The following TXNDC9 variants were observed in gnomAD, a reference collection of about 807,000 sequenced individuals.
The protein encoded by TXNDC9 is thioredoxin domain containing 9.
TXNDC9 carries 7 observed loss-of-function variants against 23.0 expected under a neutral mutation model. The observed-to-expected ratio is 0.30, with a 90% CI of 0.17 to 0.57. The LOEUF (loss-of-function observed/expected upper bound fraction) is 0.57, where lower values mean the gene tolerates loss of function less well. Ranked by LOEUF, TXNDC9 falls within the 20% of genes least tolerant of loss-of-function variation. The probability of loss-of-function intolerance (pLI) is 0.90; values close to 1 mark genes in which losing one functional copy is unlikely to be tolerated. For missense variants in TXNDC9, 198 were observed against 252.6 expected, an observed-to-expected ratio of 0.78 and a Z score of 1.47; for synonymous variants, 72 against 90.6, an observed-to-expected ratio of 0.79 and a Z score of 1.17.
intron 2 of TXNDC9, among the ~76,000 whole-genome samples, chr2:99,329,018 A>C (rs1255555211): frequency 6.6e-6 from 1 of 152,068 alleles, no homozygotes; most frequent in African/African-American, 2.4e-5. Context: ...TTATGAGATA[A>C]ACCCAATTCG....
the TXNDC9 span, among the ~76,000 whole-genome samples, chr2:99,312,279 T>G: frequency 3.0e-3 from 450 of 152,262 alleles, 4 homozygotes; most frequent in African/African-American, 0.01. Flanking sequence ...GTGAGTTACT[T>G]GAGGTCAGGA....
At chr2:99,311,601 C>G in the TXNDC9 span, among the ~76,000 whole-genome samples, 1 of 151,876 alleles carries the variant, frequency 6.6e-6, no homozygotes, top group African/African-American at 2.4e-5. Flanking sequence ...AGCCCTCAGG[C>G]TGGTCTTGAA....
At chr2:99,323,596 C>T (rs1018026862) in intron 3 of TXNDC9, among the ~76,000 whole-genome samples, 2 of 149,992 alleles carry the variant, frequency 1.3e-5, no homozygotes, top group Non-Finnish European at 3.0e-5. Flanking sequence ...ATTAGCTGGG[C>T]GTCATGATGG....
At chr2:99,326,218 G>A (rs1025945826) in intron 3 of TXNDC9, among the ~76,000 whole-genome samples, 1 of 152,056 alleles carries the variant, frequency 6.6e-6, no homozygotes, top group Non-Finnish European at 1.5e-5. Flanking sequence ...TCCTCACAAG[G>A]GATTTCACCA....
At chr2:99,307,017 T>TCCCCC in the TXNDC9 span, among the ~76,000 whole-genome samples, 3 of 116,544 alleles carry the variant, frequency 2.6e-5, no homozygotes, top group Admixed American at 9.0e-5. Context: ...CTCCCTCCCT[T>TCCCCC]CCTTCCTTCC....
rs1480312508 is a variant in TXNDC9, at chr2:99,322,717, G to C, written c.309-508C>G. 18 of 1,434,306 alleles carry C rather than the reference G, an allele frequency of 1.3e-5. No homozygotes were observed. In the South Asian group the frequency reaches 2.6e-4, roughly 21 times the overall value. The allele number at this position is 1,434,306 out of a possible 1,614,324, so 88.8% of individuals were successfully genotyped here. On this transcript the variant is annotated intron_variant, in intron 3 of 4. Coordinates refer to ENST00000264255, the MANE Select transcript of TXNDC9 (RefSeq NM_005783.4). Reference sequence around the variant, plus strand: ...TACTAATAATATTTAAATAAATGTGGCCATTATGCTTCTAGGAAATTAAAA... The same window carrying C: ...TACTAATAATATTTAAATAAATGTGCCCATTATGCTTCTAGGAAATTAAAA...
At chr2:99,315,062 ATTT>A (rs748634802), downstream of TXNDC9, among the ~76,000 whole-genome samples, 5 of 107,958 alleles carry the variant, frequency 4.6e-5, no homozygotes, top group Non-Finnish European at 6.0e-5. Context: ...CGCCTGGTTA[ATTT>A]TTTTTTTTTT....
At chr2:99,330,686 T>C (rs375893318) in intron 2 of TXNDC9, among the ~76,000 whole-genome samples, 1 of 152,194 alleles carries the variant, frequency 6.6e-6, no homozygotes, top group Admixed American at 6.5e-5. Context: ...AGGAGGGTGC[T>C]TGGCTGACAG....
the TXNDC9 span, among the ~76,000 whole-genome samples, chr2:99,311,165 A>C: frequency 6.6e-6 from 1 of 152,126 alleles, no homozygotes; most frequent in Non-Finnish European, 1.5e-5. Flanking sequence ...AGCTGGGACT[A>C]CAGGTGTGTG....
the TXNDC9 span, among the ~76,000 whole-genome samples, chr2:99,308,948 C>T: frequency 4.6e-4 from 70 of 152,102 alleles, 1 homozygote; most frequent in South Asian, 0.014. Context: ...GTGATCCGCC[C>T]GCCTCGGCCT....
At chr2:99,306,687 G>C in the TXNDC9 span, 2 of 401,460 alleles carry the variant, frequency 5.0e-6, no homozygotes, top group Non-Finnish European at 1.0e-5. Flanking sequence ...TCATCCAGCC[G>C]ATCATCTCTC....
chr2:99,316,540 CTA>C, downstream of TXNDC9, among the ~76,000 whole-genome samples: 1 of 151,988 alleles, frequency 6.6e-6, no homozygotes, highest in Non-Finnish European at 1.5e-5. Flanking sequence ...ATTGTTTTCA[CTA>C]TAGTTTTGGT....
chr2:99,316,704 A>G (rs1280029563), downstream of TXNDC9, among the ~76,000 whole-genome samples: 1 of 151,832 alleles, frequency 6.6e-6, no homozygotes, highest in African/African-American at 2.4e-5. Flanking sequence ...ATTTTTCATT[A>G]CAGTTACTTT....
At chr2:99,314,528 C>CTTTTTTTT (rs1559230942), downstream of TXNDC9, among the ~76,000 whole-genome samples, 10 of 51,120 alleles carry the variant, frequency 2.0e-4, no homozygotes, top group African/African-American at 5.6e-4. Flanking sequence ...AAATACTACA[C>CTTTTTTTT]CTTTTTTTTT....
At chr2:99,311,011 G>C in the TXNDC9 span, among the ~76,000 whole-genome samples, 2 of 151,894 alleles carry the variant, frequency 1.3e-5, no homozygotes. Context: ...GATTCACCCT[G>C]CTTTAGTTGT....
At chr2:99,311,622 C>G in the TXNDC9 span, among the ~76,000 whole-genome samples, 1 of 151,842 alleles carries the variant, frequency 6.6e-6, no homozygotes, top group Non-Finnish European at 1.5e-5. Context: ...CTCCTGGCCT[C>G]AAGCCGTCCT....
At chr2:99,310,232 CATGTGTAGAAATAGAATATATGATCTCT>C in the TXNDC9 span, among the ~76,000 whole-genome samples, 1 of 152,192 alleles carries the variant, frequency 6.6e-6, no homozygotes, top group Non-Finnish European at 1.5e-5. Flanking sequence ...GTGCCAGGTA[CATGTGTAGAAATAGAATATATGATCTCT>C]TTGGAGCAGA....
chr2:99,335,367 C>A (rs941395292), intron 1 of TXNDC9, among the ~76,000 whole-genome samples: 1 of 152,178 alleles, frequency 6.6e-6, no homozygotes, highest in African/African-American at 2.4e-5. Flanking sequence ...TACTTGATTT[C>A]ATCTTTGTAT....
downstream of TXNDC9, among the ~76,000 whole-genome samples, chr2:99,316,542 A>G (rs2105316068): frequency 6.6e-6 from 1 of 151,786 alleles, no homozygotes; most frequent in South Asian, 2.1e-4. Flanking sequence ...TGTTTTCACT[A>G]TAGTTTTGGT....
Sources: allele counts gnomAD v4.1 joint callset (sites outside exome capture counted in the v4.1 genomes callset), GRCh38; gene constraint gnomAD v4.1.1; transcripts MANE v1.5; gene names NCBI Gene and HGNC (gene_info 2026-07-23, HGNC 2026-07-21).